PDCD1: variants seen among roughly 807,000 people sequenced by gnomAD.
The protein encoded by PDCD1 is programmed cell death 1, also known as programmed cell death protein 1.
Under a neutral mutation model 23.6 loss-of-function variants are expected in PDCD1, and 10 were observed. The observed-to-expected ratio is 0.42, with a 90% CI of 0.26 to 0.72. The LOEUF (loss-of-function observed/expected upper bound fraction) is 0.72, where lower values mean the gene tolerates loss of function less well. Ranked by LOEUF, PDCD1 falls within the 30% of genes least tolerant of loss-of-function variation. PDCD1 has a pLI of 0.24. For missense variants in PDCD1, 313 were observed against 397.8 expected (o/e 0.79, Z 1.81); for synonymous variants, 168 against 169.3 (o/e 0.99, Z 0.06).
chr2:241,855,118 C>A (rs1026467668), intron 1 of PDCD1, among the ~76,000 whole-genome samples: 1 of 150,072 alleles, frequency 6.7e-6, no homozygotes, highest in South Asian at 2.1e-4. Context: ...TCCTGTTCCG[C>A]CCCCCCCAAC....
intron 1 of PDCD1, among the ~76,000 whole-genome samples, chr2:241,853,749 C>T (rs1446910484): frequency 6.6e-6 from 1 of 152,274 alleles, no homozygotes; most frequent in East Asian, 1.9e-4. Flanking sequence ...GCGGAGGCAC[C>T]AACACAGGCG....
chr2:241,858,800 C>G lies in PDCD1; in HGVS notation c.39G>C (p.Ala13=). ...IPQAPWPVVW[A]VLQLGWRPGW... is the part of the protein sequence containing the mutation. ...CTGGCCGCCAGCCCAGTTGTAGCAC[C>G]GCCCAGACGACTGGCCAGGGCGCCT... Residue 13 remains alanine (A), a synonymous_variant, in exon 1 of 5, where the codon GCG becomes GCC. Coordinates refer to ENST00000334409, the MANE Select transcript of PDCD1 (RefSeq NM_005018.3). The G allele has an allele frequency of 6.3e-7, 1 of 1,591,846 alleles. No individual in the cohort carries two copies. The highest frequency in any genetic ancestry group is 1.1e-5 in the South Asian group (1 of 87,066).
chr2:241,858,046 C>T (rs1020336531), intron 1 of PDCD1, among the ~76,000 whole-genome samples: 4 of 152,190 alleles, frequency 2.6e-5, no homozygotes, highest in Admixed American at 2.6e-4. Context: ...CTCCCTCTCT[C>T]CTCGATCCGG....
chr2:241,855,553 G>A (rs1427608639), intron 1 of PDCD1, among the ~76,000 whole-genome samples: 1 of 152,216 alleles, frequency 6.6e-6, no homozygotes, highest in African/African-American at 2.4e-5. Flanking sequence ...TGTGCCCTAT[G>A]CAGGGTCAGG....
chr2:241,851,389 A>C (rs1700899780), intron 4 of PDCD1, 92 bp from the exon 5 acceptor site: 1 of 1,366,232 alleles, frequency 7.3e-7, no homozygotes, highest in South Asian at 1.4e-5. Flanking sequence ...ACCGGCACCG[A>C]ACCTGGGCCC....
At chr2:241,856,191 G>A (rs1410098085) in intron 1 of PDCD1, among the ~76,000 whole-genome samples, 1 of 152,016 alleles carries the variant, frequency 6.6e-6, no homozygotes, top group African/African-American at 2.4e-5. Context: ...CCTCGGTCCT[G>A]CATGTCCAGC....
rs565617413 is a variant in PDCD1, at chr2:241,855,057, T to C, written c.77-2077A>G. Reference sequence around the variant, plus strand: ...GCTGACAGGCTCAACCCTTTTCCTGTCTGGCTTGCACCAGCCCTCAGCCAC... The same window carrying C: ...GCTGACAGGCTCAACCCTTTTCCTGCCTGGCTTGCACCAGCCCTCAGCCAC... On this transcript the variant is annotated intron_variant, in intron 1 of 4. Transcript: ENST00000334409. Among the ~76,000 whole-genome samples the C allele has an allele frequency of 3.3e-5, 5 of 152,330 alleles. No individual in the cohort carries two copies. In the South Asian group the frequency reaches 1.0e-3, roughly 32 times the overall value.
At chr2:241,854,716 G>A (rs1031526279) in intron 1 of PDCD1, among the ~76,000 whole-genome samples, 2 of 152,152 alleles carry the variant, frequency 1.3e-5, no homozygotes, top group East Asian at 1.9e-4. Context: ...GGACCCAGGG[G>A]CCCCACCACC....
In PDCD1 at chr2:241,852,253, G is replaced by A. The variant is rs932644449; in HGVS notation, c.537C>T (p.Gly179=). ...LVVGVVGGLL[G]SLVLLVWVLA... ...GGACCCAGACTAGCAGCACCAGGCT[G>A]CCCAGCAGGCCGCCCACGACACCAA... Residue 179 remains glycine, a synonymous_variant, in exon 3 of 5, where the codon GGC becomes GGT. Coordinates refer to ENST00000334409, the MANE Select transcript of PDCD1 (RefSeq NM_005018.3). 6.2e-7 allele frequency: 1 copy of A among 1,611,302 alleles called. No homozygotes were observed. The highest frequency in any genetic ancestry group is 8.5e-7 in the Non-Finnish European group (1 of 1,179,462).
intron 1 of PDCD1, 77 bp from the exon 2 acceptor site, chr2:241,853,057 G>T: frequency 6.8e-7 from 1 of 1,476,386 alleles, no homozygotes; most frequent in Non-Finnish European, 9.0e-7. Flanking sequence ...ACATCCCTCG[G>T]GCAGCAAGGG....
chr2:241,851,601 G>A (rs56283924), intron 4 of PDCD1, among the ~76,000 whole-genome samples: 1 of 152,210 alleles, frequency 6.6e-6, no homozygotes, highest in Non-Finnish European at 1.5e-5. Flanking sequence ...CCACGCCCTC[G>A]CAGGTGGGCA....
At chr2:241,853,120 C>CA in intron 1 of PDCD1, 140 bp from the exon 2 acceptor site, 1 of 1,007,468 alleles carries the variant, frequency 9.9e-7, no homozygotes. Flanking sequence ...CTGCTGGGGC[C>CA]TCTGCCACCC....
Position 241,856,291 on chromosome 2 carries a change from C to T in PDCD1, c.76+2472G>A, listed in dbSNP as rs6747318. On this transcript the variant is annotated intron_variant, in intron 1 of 4. Transcript: ENST00000334409. ...TCAGAGCACAGGGGAGCCGACCCTG[C>T]GGAGCTCCATCCTGCACGTCCAGCC... Among the ~76,000 whole-genome samples the T allele has an allele frequency of 8.3e-3, 1,259 of 152,012 alleles. 20 individuals are homozygous for T. The highest frequency in any genetic ancestry group is 0.029 in the African/African-American group (1,194 of 41,462).
rs1256772697 is a variant in PDCD1, at chr2:241,852,075, A to C, written c.593-92T>G. 3 of 887,646 alleles carry C rather than the reference A, an allele frequency of 3.4e-6. 1 individual carries two copies. Among genetic ancestry groups the C allele is most frequent in the South Asian group, 3.8e-5 (2 of 53,046 alleles). The allele number at this position is 887,646 out of a possible 1,614,324, so 55.0% of individuals were successfully genotyped here. A position where few individuals can be genotyped will look rare whatever the true frequency, so the allele number is the denominator to read the frequency against. On this transcript the variant is annotated intron_variant, in intron 3 of 4. Coordinates refer to ENST00000334409, the MANE Select transcript of PDCD1 (RefSeq NM_005018.3). ...GTCCAGGGGCCTTCATCAGGGACTT[A>C]GCCTGGCGGGGAGATGGGGGGAGGT... is the stretch of plus-strand genomic sequence containing the variant.
chr2:241,856,854 G>C (rs1404202568), intron 1 of PDCD1, among the ~76,000 whole-genome samples: 1 of 152,198 alleles, frequency 6.6e-6, no homozygotes, highest in East Asian at 1.9e-4. Context: ...GGGCTGGGCT[G>C]GGTAGTTTTC....
Position 241,852,261 on chromosome 2 carries a change from G to A in PDCD1, c.529C>T (p.Leu177=), listed in dbSNP as rs1700919825. The A allele has an allele frequency of 3.7e-6, 6 of 1,611,510 alleles. No homozygotes were observed. The highest frequency in any genetic ancestry group is 5.1e-6 in the Non-Finnish European group (6 of 1,179,534). ...QTLVVGVVGG[L]LGSLVLLVWV... ...ACTAGCAGCACCAGGCTGCCCAGCAGGCCGCCCACGACACCAACCACCAGG... is the reference window on the plus strand; with the variant it reads ...ACTAGCAGCACCAGGCTGCCCAGCAAGCCGCCCACGACACCAACCACCAGG... Residue 177 remains leucine (L), a synonymous_variant, in exon 3 of 5, where the codon CTG becomes TTG. Coordinates refer to ENST00000334409, the MANE Select transcript of PDCD1 (RefSeq NM_005018.3).
chr2:241,856,400 C>T (rs1701028205), intron 1 of PDCD1, among the ~76,000 whole-genome samples: 1 of 152,234 alleles, frequency 6.6e-6, no homozygotes, highest in African/African-American at 2.4e-5. Flanking sequence ...GCCCAGTCCC[C>T]AAAGCAAATG....
At chr2:241,853,949 G>C (rs1208528538) in intron 1 of PDCD1, among the ~76,000 whole-genome samples, 1 of 152,250 alleles carries the variant, frequency 6.6e-6, no homozygotes, top group Non-Finnish European at 1.5e-5. Context: ...GGCCCTGGTT[G>C]CCACAGCTGC....
In PDCD1 at chr2:241,850,939, G is replaced by A. The variant is rs1700885287; in HGVS notation, c.*119C>T. The A allele has an allele frequency of 3.7e-6, 5 of 1,346,558 alleles. No individual in the cohort carries two copies. Among genetic ancestry groups the A allele is most frequent in the Non-Finnish European group, 5.0e-6 (5 of 998,994 alleles). The allele number at this position is 1,346,558 out of a possible 1,614,324, so 83.4% of individuals were successfully genotyped here. On this transcript the variant is annotated 3_prime_UTR_variant, in exon 5 of 5. Transcript: ENST00000334409. ...AGGCTGGAGCCCCGGTCGCCCCCAG[G>A]CAGCTCAGCCCCTGGACGGCCTGCA...
Sources: gnomAD v4.1 joint callset for allele counts (sites outside exome capture counted in the v4.1 genomes callset) on GRCh38, gnomAD v4.1.1 for gene constraint, MANE v1.5 for transcripts, NCBI Gene and HGNC (gene_info 2026-07-23, HGNC 2026-07-21) for gene names.